AVEN: variants seen among roughly 807,000 people sequenced by gnomAD.
The protein encoded by AVEN is apoptosis and caspase activation inhibitor.
A neutral mutation model predicts 38.1 loss-of-function variants in AVEN; 41 were observed. The observed-to-expected ratio is 1.08, with a 90% CI of 0.84 to 1.40. The LOEUF (loss-of-function observed/expected upper bound fraction) is 1.40. Ranked by LOEUF, AVEN falls within the 40% of genes most tolerant of loss-of-function variation. AVEN has a pLI of 0.00. For missense variants in AVEN, 605 were observed against 438.8 expected, an observed-to-expected ratio of 1.38 and a Z score of -3.38; for synonymous variants, 206 against 171.8, an observed-to-expected ratio of 1.20 and a Z score of -1.56.
downstream of AVEN, among the ~76,000 whole-genome samples, chr15:33,862,091 G>A (rs987291562): frequency 6.6e-6 from 1 of 152,034 alleles, no homozygotes; most frequent in African/African-American, 2.4e-5. Context: ...AGAGTGTATA[G>A]ATTTTATTAC....
chr15:33,868,707 G>A (rs1486213834), intron 4 of AVEN, among the ~76,000 whole-genome samples: 1 of 152,156 alleles, frequency 6.6e-6, no homozygotes. Flanking sequence ...TTTGATGATT[G>A]TATTTGTAAA....
chr15:33,895,324 T>C (rs1466947042), intron 2 of AVEN, among the ~76,000 whole-genome samples: 2 of 142,710 alleles, frequency 1.4e-5, no homozygotes, highest in African/African-American at 6.1e-5. Flanking sequence ...TGCAACTATA[T>C]TTCTTTTTTT....
At chr15:33,878,979 T>C (rs1469733287) in intron 2 of AVEN, among the ~76,000 whole-genome samples, 1 of 152,160 alleles carries the variant, frequency 6.6e-6, no homozygotes, top group South Asian at 2.1e-4. Flanking sequence ...GATTAATATA[T>C]AATTGGTACA....
At chr15:33,886,524 C>T (rs571281898) in intron 2 of AVEN, among the ~76,000 whole-genome samples, 3 of 152,202 alleles carry the variant, frequency 2.0e-5, no homozygotes, top group Admixed American at 6.5e-5. Context: ...AGGATGGTCT[C>T]GATCTCCTAA....
At chr15:34,065,006 G>C (rs772650895) in intron 4 of AVEN, 1 of 167,076 alleles carries the variant, frequency 6.0e-6, no homozygotes, top group Non-Finnish European at 1.5e-5. Context: ...TCAGAATCCA[G>C]AGTCTGGAAG....
chr15:34,072,657 A>T lies in AVEN; in HGVS notation n.720+1779T>A, dbSNP rs990471474. ...TTTTATTTTACTTTTTATTATTATT[A>T]TTTTTTTGAGATGGAGTCTTGCTCT... On this transcript the variant is annotated intron_variant and non_coding_transcript_variant, in intron 1 of 11. Transcript: ENST00000675287. 1.5e-4 allele frequency among the ~76,000 whole-genome samples: 22 copies of T among 151,004 alleles called. 1 individual carries two copies. The highest frequency in any genetic ancestry group is 1.3e-3 in the Admixed American group (19 of 15,170).
chr15:33,999,439 A>T (rs1177287990), intron 2 of AVEN, among the ~76,000 whole-genome samples: 1 of 152,090 alleles, frequency 6.6e-6, no homozygotes, highest in Non-Finnish European at 1.5e-5. Flanking sequence ...CCAGCCATTT[A>T]TTAAGGAATT....
chr15:34,068,363 G>A (rs1900559423), intron 2 of AVEN, among the ~76,000 whole-genome samples: 2 of 151,450 alleles, frequency 1.3e-5, no homozygotes, highest in South Asian at 2.1e-4. Flanking sequence ...ACGCCACCAC[G>A]CCAGGTTAAT....
intron 2 of AVEN, among the ~76,000 whole-genome samples, chr15:33,973,683 A>T (rs553112752): frequency 6.6e-6 from 1 of 152,330 alleles, no homozygotes; most frequent in African/African-American, 2.4e-5. Flanking sequence ...CTCTATAAAA[A>T]AATCTAAAAG....
In AVEN at chr15:33,890,094, G is replaced by A. The variant is rs116517876; in HGVS notation, c.446-14099C>T. Among the ~76,000 whole-genome samples the A allele has an allele frequency of 8.8e-3, 1,336 of 152,270 alleles. 23 individuals are homozygous for A. The highest frequency in any genetic ancestry group is 0.03 in the African/African-American group (1,238 of 41,554). On this transcript the variant is annotated intron_variant, in intron 2 of 5. Coordinates refer to ENST00000306730, the MANE Select transcript of AVEN (RefSeq NM_020371.3). ...GTTTGTGCATCACTGATAGTGTCTA[G>A]GTTTTTGTTCATTGATGCAAAACAT...
chr15:34,069,730 A>G (rs866431070), intron 2 of AVEN, among the ~76,000 whole-genome samples: 9 of 152,166 alleles, frequency 5.9e-5, no homozygotes, highest in Middle Eastern at 3.2e-3. Context: ...ACTATGCTCA[A>G]TAATTGCTTT....
downstream of AVEN, chr15:33,854,305 G>A: frequency 2.6e-6 from 3 of 1,152,652 alleles, no homozygotes; most frequent in East Asian, 2.6e-5. Flanking sequence ...AAACCTGAGA[G>A]AAAAAACTTA....
intron 1 of AVEN, among the ~76,000 whole-genome samples, chr15:34,025,371 G>A (rs1288403380): frequency 6.6e-6 from 1 of 152,154 alleles, no homozygotes; most frequent in Non-Finnish European, 1.5e-5. Context: ...GAAATAGGCT[G>A]AATAAAAAAT....
chr15:34,036,185 A>G (rs1283719518), intron 1 of AVEN, among the ~76,000 whole-genome samples: 1 of 152,074 alleles, frequency 6.6e-6, no homozygotes, highest in Non-Finnish European at 1.5e-5. Context: ...ATGCTCACCC[A>G]TAATCAGTAA....
intron 1 of AVEN, among the ~76,000 whole-genome samples, chr15:34,073,996 T>A: frequency 3.6e-5 from 1 of 27,854 alleles, no homozygotes; most frequent in South Asian, 1.7e-3. Context: ...CTTCTTTTTT[T>A]TTTTTTTTTT....
chr15:33,953,740 A>G (rs1286408177), intron 2 of AVEN, among the ~76,000 whole-genome samples: 1 of 152,246 alleles, frequency 6.6e-6, no homozygotes, highest in East Asian at 1.9e-4. Context: ...CAAGGACTTC[A>G]TGACTAAAAC....
chr15:33,873,524 AATAT>A (rs1412737780), intron 3 of AVEN, among the ~76,000 whole-genome samples: 2 of 147,992 alleles, frequency 1.4e-5, no homozygotes, highest in African/African-American at 4.9e-5. Context: ...CTCAACATAT[AATAT>A]ATATTATATA....
chr15:34,008,261 A>G (rs1897452232), intron 1 of AVEN, among the ~76,000 whole-genome samples: 1 of 151,886 alleles, frequency 6.6e-6, no homozygotes, highest in South Asian at 2.1e-4. Context: ...TCTCCACGAA[A>G]AAGATAAAAA....
At chr15:33,957,535 T>C (rs116581191) in intron 2 of AVEN, among the ~76,000 whole-genome samples, 2,226 of 152,300 alleles carry the variant, frequency 0.015, 44 homozygotes, top group African/African-American at 0.05. Flanking sequence ...ACAAAAAGAC[T>C]TGTATATTAA....
Sources: allele counts gnomAD v4.1 joint callset (sites outside exome capture counted in the v4.1 genomes callset), GRCh38; gene constraint gnomAD v4.1.1; transcripts MANE v1.5; gene names NCBI Gene and HGNC (gene_info 2026-07-23, HGNC 2026-07-21).